The following TEX11 variants were observed in gnomAD, a reference collection of about 807,000 sequenced individuals.
TEX11 encodes the protein testis expressed 11, also known as testis-expressed protein 11.
A neutral mutation model predicts 84.4 loss-of-function variants in TEX11; 7 were observed. The observed-to-expected ratio is 0.08, with a 90% CI of 0.05 to 0.16. The LOEUF (loss-of-function observed/expected upper bound fraction) is 0.16. Among genes scored for constraint, TEX11 ranks in the 10% least tolerant of loss-of-function variants. The pLI is 1.00. For missense variants in TEX11, 551 were observed against 660.5 expected (o/e 0.83, Z 1.82); for synonymous variants, 264 against 222.8 (o/e 1.18, Z -1.64).
chrX:70,720,379 G>A (rs1248269594), intron 13 of TEX11, among the ~76,000 whole-genome samples: 1 of 110,844 alleles, frequency 9.0e-6, no homozygotes, highest in East Asian at 2.8e-4. Flanking sequence ...TGGGGTGGGA[G>A]AAGGGGGTAG....
chrX:70,548,382 A>C (rs2088166391), intron 28 of TEX11, among the ~76,000 whole-genome samples: 1 of 110,508 alleles, frequency 9.0e-6, no homozygotes, highest in Admixed American at 9.7e-5. Context: ...ACAAACCTGC[A>C]CATTGTGCAC....
intron 25 of TEX11, among the ~76,000 whole-genome samples, chrX:70,566,691 T>C (rs1324820368): frequency 8.9e-6 from 1 of 111,795 alleles, no homozygotes. Context: ...GTTCTGTTTA[T>C]ATGCTGGATT....
chrX:70,517,173 T>C, the TEX11 span, among the ~76,000 whole-genome samples: 2 of 111,742 alleles, frequency 1.8e-5, no homozygotes, highest in Non-Finnish European at 3.8e-5. Context: ...ATAGGACTGG[T>C]GAGAGAGGGC....
At chrX:70,834,129 C>T (rs1056918527) in intron 7 of TEX11, among the ~76,000 whole-genome samples, 4 of 108,834 alleles carry the variant, frequency 3.7e-5, no homozygotes, top group Non-Finnish European at 7.6e-5. Flanking sequence ...TTCGAAGCTG[C>T]AGTAAGCTAA....
At position 70,805,469 on chromosome X, in the gene TEX11, C is replaced by T. The variant is rs758465402; in HGVS notation, c.692+1236G>A. Among the ~76,000 whole-genome samples the T allele has an allele frequency of 2.8e-5, 3 of 105,877 alleles. No individual in the cohort carries two copies. In the East Asian group the frequency reaches 9.0e-4, roughly 32 times the overall value. The allele number at this position is 105,877 out of a possible 115,157, so 91.9% of individuals were successfully genotyped here. The stretch of plus-strand genomic sequence containing the variant: ...AGGCTGGAGTGCAGCGGTGCGATAT[C>T]GGCTCACTGCAAGCTGCATCTCCCT... On this transcript the variant is annotated intron_variant, in intron 9 of 29. Transcript: ENST00000374333.
intron 3 of TEX11, among the ~76,000 whole-genome samples, chrX:70,874,946 G>A (rs1030171633): frequency 7.3e-5 from 8 of 109,046 alleles, no homozygotes; most frequent in Non-Finnish European, 1.3e-4. Flanking sequence ...AGGCCGAGGC[G>A]GTCGGATTGC....
intron 2 of TEX11, among the ~76,000 whole-genome samples, chrX:70,893,495 A>C: frequency 8.9e-6 from 1 of 112,004 alleles, no homozygotes; most frequent in Non-Finnish European, 1.9e-5. Context: ...AAATTAAGGC[A>C]GAAATAATGA....
chrX:70,742,355 ATAT>A (rs200421476), intron 10 of TEX11, among the ~76,000 whole-genome samples: 7,441 of 107,676 alleles, frequency 0.069, 225 homozygotes, highest in East Asian at 0.12. Flanking sequence ...ATAAATATAA[ATAT>A]TATATATTTA....
At chrX:70,788,499 G>A (rs1338031163) in intron 9 of TEX11, among the ~76,000 whole-genome samples, 1 of 110,088 alleles carries the variant, frequency 9.1e-6, no homozygotes, top group Admixed American at 9.7e-5. Flanking sequence ...CTCCCACCAC[G>A]TACAAAAATC....
intron 17 of TEX11, among the ~76,000 whole-genome samples, chrX:70,634,427 T>C (rs1452575875): frequency 9.0e-6 from 1 of 111,575 alleles, no homozygotes; most frequent in Non-Finnish European, 1.9e-5. Flanking sequence ...GAGAACAAAG[T>C]TGGGGTTCAA....
rs2088401297 is a variant in TEX11, at chrX:70,563,265, C to T, written c.2141-8465G>A. ...ATAGAAACAGCAAATTAATGGAGAG[C>T]CAGGACCCTAATCCCACATGTTCTG... On this transcript the variant is annotated intron_variant, in intron 25 of 29. Transcript: ENST00000374333. Among the ~76,000 whole-genome samples the T allele has an allele frequency of 2.7e-5, 3 of 111,565 alleles. No homozygotes were observed. The South Asian group carries it at 1.1e-3, about 42-fold the overall frequency.
At chrX:70,714,510 C>T (rs2090476509) in intron 13 of TEX11, among the ~76,000 whole-genome samples, 1 of 111,684 alleles carries the variant, frequency 9.0e-6, no homozygotes, top group Non-Finnish European at 1.9e-5. Flanking sequence ...GGATAGTTAG[C>T]TCTTCTTTTT....
At chrX:70,718,713 T>C (rs1197856018) in intron 13 of TEX11, among the ~76,000 whole-genome samples, 1 of 111,857 alleles carries the variant, frequency 8.9e-6, no homozygotes, top group Non-Finnish European at 1.9e-5. Context: ...CCAGTTGCTC[T>C]TTAGGAATTC....
At chrX:70,896,984 T>A (rs1156269843) in intron 2 of TEX11, among the ~76,000 whole-genome samples, 1 of 103,871 alleles carries the variant, frequency 9.6e-6, no homozygotes, top group Non-Finnish European at 2.0e-5. Context: ...CAAAAAAAAA[T>A]AGCCAGATGT....
the TEX11 span, among the ~76,000 whole-genome samples, chrX:70,521,138 G>A: frequency 9.0e-6 from 1 of 111,166 alleles, no homozygotes; most frequent in African/African-American, 3.3e-5. Context: ...ACCCTCGGTG[G>A]GCTGCACCCA....
At chrX:70,589,546 C>T (rs2088899979) in intron 25 of TEX11, among the ~76,000 whole-genome samples, 2 of 110,782 alleles carry the variant, frequency 1.8e-5, no homozygotes, top group South Asian at 7.5e-4. Context: ...TTTTTGGAAA[C>T]AGTGTCTTGC....
chrX:70,764,215 T>G (rs1170734998), intron 9 of TEX11, among the ~76,000 whole-genome samples: 1 of 111,645 alleles, frequency 9.0e-6, no homozygotes, highest in Non-Finnish European at 1.9e-5. Flanking sequence ...AATTAAACAA[T>G]ATGCTCCTGA....
At chrX:70,639,366 T>G (rs1010142406) in intron 17 of TEX11, among the ~76,000 whole-genome samples, 1 of 111,996 alleles carries the variant, frequency 8.9e-6, no homozygotes, top group Admixed American at 9.4e-5. Context: ...TTGCCCAGGC[T>G]TGCTTAGGTA....
At chrX:70,635,097 A>T (rs752751132) in intron 17 of TEX11, among the ~76,000 whole-genome samples, 9 of 112,164 alleles carry the variant, frequency 8.0e-5, no homozygotes, top group Non-Finnish European at 1.5e-4. Context: ...ACACATGGAA[A>T]TACCTCCACA....
Sources: allele counts gnomAD v4.1 joint callset (sites outside exome capture counted in the v4.1 genomes callset), GRCh38; gene constraint gnomAD v4.1.1; transcripts MANE v1.5; gene names NCBI Gene and HGNC (gene_info 2026-07-23, HGNC 2026-07-21).